Variants in GSE1 observed in about 807,000 individuals in gnomAD.
GSE1 encodes Gse1 coiled-coil protein.
GSE1 carries 32 observed loss-of-function variants against 112.6 expected under a neutral mutation model. That is an observed-to-expected ratio of 0.28 (90% CI 0.21 to 0.38). The LOEUF (loss-of-function observed/expected upper bound fraction) is 0.38, where lower values mean the gene tolerates loss of function less well. Ranked by LOEUF, GSE1 falls within the 10% of genes least tolerant of loss-of-function variation. The pLI, the probability that GSE1 is intolerant of heterozygous loss-of-function variation, is 1.00. For missense variants in GSE1, 2,348 were observed against 1,699.2 expected (o/e 1.38, Z -6.71); for synonymous variants, 1,115 against 735.6 (o/e 1.52, Z -8.35).
chr16:85,543,099 G>A (rs879710238), intron 2 of GSE1, among the ~76,000 whole-genome samples: 8 of 151,654 alleles, frequency 5.3e-5, no homozygotes, highest in Admixed American at 1.3e-4. Flanking sequence ...AGTGGCAGGC[G>A]CCTGTAGGAG....
intron 2 of GSE1, among the ~76,000 whole-genome samples, chr16:85,464,590 TGGTCATGCC>T (rs986977298): frequency 2.0e-5 from 3 of 152,156 alleles, no homozygotes; most frequent in Non-Finnish European, 4.4e-5. Flanking sequence ...CGAGGGGTGA[TGGTCATGCC>T]GGTTGCACAG....
intron 1 of GSE1, among the ~76,000 whole-genome samples, chr16:85,212,025 C>A (rs1011052763): frequency 6.6e-6 from 1 of 152,196 alleles, no homozygotes; most frequent in Admixed American, 6.5e-5. Context: ...TGAGCCATGT[C>A]CCTCAACTTT....
intron 8 of GSE1, among the ~76,000 whole-genome samples, chr16:85,660,407 C>G (rs1050305117): frequency 2.0e-5 from 3 of 152,158 alleles, no homozygotes; most frequent in Admixed American, 2.0e-4. Flanking sequence ...GAGGCCAAGG[C>G]AGGTGGATCA....
intron 1 of GSE1, among the ~76,000 whole-genome samples, chr16:85,205,110 C>T (rs7184299): frequency 0.62 from 94,866 of 151,992 alleles, 30,130 homozygotes; most frequent in African/African-American, 0.72. Flanking sequence ...TCGTTGTCTC[C>T]TTTAATTTTT....
At chr16:85,653,505 T>C (rs1197711397) in intron 3 of GSE1, among the ~76,000 whole-genome samples, 1 of 151,022 alleles carries the variant, frequency 6.6e-6, no homozygotes, top group African/African-American at 2.4e-5. Flanking sequence ...TCCTCCTGCT[T>C]TGTGCCTGGA....
chr16:85,560,128 C>CTTCT (rs2045442491), intron 1 of GSE1, among the ~76,000 whole-genome samples: 1 of 99,162 alleles, frequency 1.0e-5, no homozygotes, highest in African/African-American at 4.0e-5. Context: ...TCTTCTTCTT[C>CTTCT]TTTTTTTTTT....
chr16:85,656,318 C>T, intron 6 of GSE1, 25 bp from the exon 7 acceptor site: 2 of 1,609,380 alleles, frequency 1.2e-6, no homozygotes, highest in Non-Finnish European at 1.7e-6. Flanking sequence ...GCAGCAGAGC[C>T]CCCAACTCTT....
intron 1 of GSE1, among the ~76,000 whole-genome samples, chr16:85,197,380 C>G (rs913114820): frequency 3.9e-5 from 6 of 152,194 alleles, no homozygotes; most frequent in African/African-American, 1.2e-4. Context: ...GACTCCAGCC[C>G]TTTCTCTTCC....
chr16:85,585,684 C>T (rs909499877), intron 1 of GSE1, among the ~76,000 whole-genome samples: 3 of 152,254 alleles, frequency 2.0e-5, no homozygotes, highest in Admixed American at 6.5e-5. Context: ...CCTGCATGGC[C>T]ATGGGCAAGT....
intron 2 of GSE1, among the ~76,000 whole-genome samples, chr16:85,513,077 C>T (rs916403670): frequency 1.3e-4 from 20 of 152,178 alleles, no homozygotes; most frequent in African/African-American, 2.9e-4. Flanking sequence ...GCCCTGTGGG[C>T]GTCTCCATCA....
At chr16:85,508,984 T>C (rs1342393581) in intron 2 of GSE1, among the ~76,000 whole-genome samples, 2 of 151,800 alleles carry the variant, frequency 1.3e-5, no homozygotes, top group Non-Finnish European at 2.9e-5. Flanking sequence ...TGGGTCACAG[T>C]GGATATGTCT....
intron 1 of GSE1, among the ~76,000 whole-genome samples, chr16:85,261,701 C>G (rs1008438778): frequency 6.6e-6 from 1 of 152,166 alleles, no homozygotes; most frequent in Non-Finnish European, 1.5e-5. Flanking sequence ...CCAGCAGATG[C>G]TTTCGGACAG....
At chr16:85,528,826 G>C (rs2052453586) in intron 2 of GSE1, among the ~76,000 whole-genome samples, 1 of 152,164 alleles carries the variant, frequency 6.6e-6, no homozygotes, top group Admixed American at 6.5e-5. Flanking sequence ...GCCCTTTCTG[G>C]TCATGTGGCT....
chr16:85,426,703 T>TGGAC (rs1231871652), intron 2 of GSE1, among the ~76,000 whole-genome samples: 1 of 99,468 alleles, frequency 1.0e-5, no homozygotes, highest in African/African-American at 3.3e-5. Context: ...GATGGGTGGG[T>TGGAC]GGATGGATGG....
At chr16:85,658,787 C>G (rs564402955) in intron 8 of GSE1, among the ~76,000 whole-genome samples, 43 of 149,604 alleles carry the variant, frequency 2.9e-4, no homozygotes, top group Admixed American at 1.6e-3. Context: ...TCAGGGTGCC[C>G]TGACTCCTGT....
intron 1 of GSE1, among the ~76,000 whole-genome samples, chr16:85,289,258 C>G (rs1435163595): frequency 6.6e-6 from 1 of 152,170 alleles, no homozygotes; most frequent in African/African-American, 2.4e-5. Context: ...GTTCATCCTC[C>G]CGCCATTGGC....
chr16:85,240,145 C>G lies in GSE1; in HGVS notation c.2283+68338C>G, dbSNP rs151027869. On this transcript the variant is annotated intron_variant, in intron 1 of 2. Transcript: ENST00000637419. ...AAAGTGGGACATAGGTGTTGTTCTC[C>G]AAGCGTTCTTGTGAAGATGAAATAA... Among the ~76,000 whole-genome samples the G allele has an allele frequency of 2.2e-3, 328 of 152,338 alleles. 4 individuals are homozygous for G. The highest frequency in any genetic ancestry group is 7.6e-3 in the African/African-American group (316 of 41,572).
chr16:85,661,828 G>C, intron 9 of GSE1, 63 bp downstream of exon 9: 1 of 1,406,582 alleles, frequency 7.1e-7, no homozygotes. Context: ...TGGGGAGCCT[G>C]CATGCCAGCC....
chr16:85,438,849 GTC>G (rs1258482425), intron 2 of GSE1, among the ~76,000 whole-genome samples: 1 of 152,216 alleles, frequency 6.6e-6, no homozygotes, highest in African/African-American at 2.4e-5. Context: ...TGTGGGCACT[GTC>G]TGTGCAGCTC....
Sources: gnomAD v4.1 joint callset for allele counts (sites outside exome capture counted in the v4.1 genomes callset) on GRCh38, gnomAD v4.1.1 for gene constraint, MANE v1.5 for transcripts, NCBI Gene and HGNC (gene_info 2026-07-23, HGNC 2026-07-21) for gene names.